Variants in ZC3H3 observed in about 807,000 individuals in gnomAD.
ZC3H3 encodes zinc finger CCCH domain-containing protein 3.
In ZC3H3, 36 loss-of-function variants were observed where a neutral mutation model predicts 77.3. The observed-to-expected ratio is 0.47, with a 90% confidence interval of 0.36 to 0.61. The LOEUF is 0.61. Ranked by LOEUF, ZC3H3 falls within the 20% of genes least tolerant of loss-of-function variation. The pLI is 0.00. For synonymous variants in ZC3H3, 626 were observed against 555.2 expected (o/e 1.13, Z -1.79); for missense variants, 1,331 against 1,312.2 (o/e 1.01, Z -0.22).
intron 1 of ZC3H3, among the ~76,000 whole-genome samples, chr8:143,540,065 G>A (rs576469127): frequency 1.3e-5 from 2 of 152,254 alleles, no homozygotes; most frequent in Admixed American, 6.5e-5. Flanking sequence ...ACGTCCAGAC[G>A]TGTTGACGCC....
At position 143,538,269 on chromosome 8, in the gene ZC3H3, C is replaced by T. The variant is rs150142925; in HGVS notation, c.1098G>A (p.Thr366=). The T allele has an allele frequency of 4.9e-4, 784 of 1,612,996 alleles. 3 individuals are homozygous for T. In the African/African-American group the frequency reaches 9.3e-3, roughly 19 times the overall value. The change falls in exon 2 of 12, where the codon ACG becomes ACA. Residue 366 remains threonine, a synonymous_variant. Coordinates refer to ENST00000262577, the MANE Select transcript of ZC3H3 (RefSeq NM_015117.3). ...TGGGGGCAGACCCTGGCTTGGAGGA[C>T]GTGGCTGGCTTCCTGGGCTTGGGCT... ...DPEPKPRKPA[T]SSKPGSAPSK... is the part of the protein sequence containing the mutation.
chr8:143,471,622 G>T (rs1820567111), intron 5 of ZC3H3, among the ~76,000 whole-genome samples: 1 of 152,228 alleles, frequency 6.6e-6, no homozygotes. Context: ...GGACCCTGGA[G>T]CTCAGGCCTT....
intron 4 of ZC3H3, among the ~76,000 whole-genome samples, chr8:143,507,521 C>T (rs1004094916): frequency 6.6e-6 from 1 of 152,276 alleles, no homozygotes; most frequent in Non-Finnish European, 1.5e-5. Context: ...TGTGTCCGTC[C>T]GTCTTCACGT....
intron 4 of ZC3H3, among the ~76,000 whole-genome samples, chr8:143,476,664 C>A (rs1224687884): frequency 6.6e-6 from 1 of 152,262 alleles, no homozygotes; most frequent in Non-Finnish European, 1.5e-5. Flanking sequence ...TACCACACCC[C>A]CAGCAAATCT....
At position 143,533,059 on chromosome 8, in the gene ZC3H3, C is replaced by A. The variant is rs1822671886; in HGVS notation, c.1561+3198G>T. On this transcript the variant is annotated intron_variant, in intron 3 of 11. Coordinates refer to ENST00000262577, the MANE Select transcript of ZC3H3 (RefSeq NM_015117.3). This position sits in a 1 kb window ranked among gnomAD's most constrained non-coding sequence, Gnocchi z 4.0. Reference sequence around the variant, plus strand: ...TCCCGACTCTGCCCACTCGGGCCTGCCAGACACCCCGGGGCCCTGGACACG... The same window carrying A: ...TCCCGACTCTGCCCACTCGGGCCTGACAGACACCCCGGGGCCCTGGACACG... 1.3e-5 allele frequency among the ~76,000 whole-genome samples: 2 copies of A among 152,134 alleles called. No homozygotes were observed. Among genetic ancestry groups the A allele is most frequent in the South Asian group, 2.1e-4 (1 of 4,822 alleles).
At chr8:143,524,501 C>A (rs1822349246) in intron 3 of ZC3H3, among the ~76,000 whole-genome samples, 1 of 152,250 alleles carries the variant, frequency 6.6e-6, no homozygotes, top group Non-Finnish European at 1.5e-5. Flanking sequence ...CAAAGAAACC[C>A]CAGCTGGGCC....
At chr8:143,492,114 G>C (rs753419814) in intron 4 of ZC3H3, among the ~76,000 whole-genome samples, 1 of 152,218 alleles carries the variant, frequency 6.6e-6, no homozygotes, top group Non-Finnish European at 1.5e-5. Flanking sequence ...AAACAAGAAG[G>C]AAAAGACAGA....
intron 3 of ZC3H3, among the ~76,000 whole-genome samples, chr8:143,534,316 C>T (rs1275913544): frequency 1.3e-5 from 2 of 151,796 alleles, no homozygotes; most frequent in Admixed American, 6.6e-5. Flanking sequence ...CAATTACGCC[C>T]TTCCCTCTAG....
chr8:143,439,373 T>C (rs1053236578), intron 11 of ZC3H3, among the ~76,000 whole-genome samples: 2 of 152,214 alleles, frequency 1.3e-5, no homozygotes, highest in Non-Finnish European at 1.5e-5. Flanking sequence ...AATAAAATGA[T>C]AGCCGTATGG....
In ZC3H3 at chr8:143,462,919, C is replaced by A. The variant is rs1004292676; in HGVS notation, c.2307+2798G>T. On this transcript the variant is annotated intron_variant, in intron 9 of 11. Coordinates refer to ENST00000262577, the MANE Select transcript of ZC3H3 (RefSeq NM_015117.3). This position sits in a 1 kb window ranked among gnomAD's most constrained non-coding sequence, Gnocchi z 4.7. ...GAGTCCTAAACACACCCAGAAGGAACCAGGGCGCCCTGCAGGAGCAGCTGT... is the reference window on the plus strand; with the variant it reads ...GAGTCCTAAACACACCCAGAAGGAAACAGGGCGCCCTGCAGGAGCAGCTGT... 2.0e-5 allele frequency among the ~76,000 whole-genome samples: 3 copies of A among 152,098 alleles called. No homozygotes were observed. The highest frequency in any genetic ancestry group is 4.4e-5 in the Non-Finnish European group (3 of 68,014).
chr8:143,498,439 C>T (rs371819228), intron 4 of ZC3H3, among the ~76,000 whole-genome samples: 5 of 152,160 alleles, frequency 3.3e-5, no homozygotes, highest in African/African-American at 4.8e-5. Flanking sequence ...GCCCGCTCAC[C>T]GGTCATCTTG....
intron 4 of ZC3H3, among the ~76,000 whole-genome samples, chr8:143,489,667 G>A (rs929925647): frequency 2.0e-5 from 3 of 152,178 alleles, no homozygotes; most frequent in Non-Finnish European, 4.4e-5. Context: ...TTCTTAATTC[G>A]GCTCCTGCTA....
chr8:143,508,375 C>T (rs901242621), intron 3 of ZC3H3, among the ~76,000 whole-genome samples: 2 of 152,196 alleles, frequency 1.3e-5, no homozygotes, highest in Non-Finnish European at 2.9e-5. Context: ...AGGGGAGGGG[C>T]GCTGGAGCAC....
At chr8:143,473,850 C>T (rs1282195426) in intron 5 of ZC3H3, among the ~76,000 whole-genome samples, 3 of 152,192 alleles carry the variant, frequency 2.0e-5, no homozygotes, top group African/African-American at 7.2e-5. Context: ...CTGGGACCTG[C>T]TGTGCCAGAG....
intron 3 of ZC3H3, among the ~76,000 whole-genome samples, chr8:143,522,445 AC>A (rs879944124): frequency 8.7e-4 from 132 of 152,144 alleles, no homozygotes; most frequent in Non-Finnish European, 1.5e-3. Context: ...TCTACCAAAA[AC>A]ATAAAAATTA....
intron 4 of ZC3H3, among the ~76,000 whole-genome samples, chr8:143,477,696 G>A (rs1820775589): frequency 6.6e-6 from 1 of 152,198 alleles, no homozygotes; most frequent in Admixed American, 6.5e-5. Context: ...AGGAGCTACG[G>A]CCACTACCTG....
chr8:143,471,423 G>A (rs911652870), intron 5 of ZC3H3, among the ~76,000 whole-genome samples: 6 of 152,232 alleles, frequency 3.9e-5, no homozygotes, highest in Non-Finnish European at 5.9e-5. Flanking sequence ...CCAGGAACAC[G>A]CAGCAGCTGG....
rs960722703 is a variant in ZC3H3, at chr8:143,471,328, G to C, written c.1904-2669C>G. ...GAGGGTGCCCCAGAAGAGGCAGTGT[G>C]GGGCGGGGGCAAGCCGACAGGGCCT... On this transcript the variant is annotated intron_variant, in intron 5 of 11. Transcript: ENST00000262577. Among the ~76,000 whole-genome samples, 3 of 152,382 alleles carry C rather than the reference G, an allele frequency of 2.0e-5. No individual in the cohort carries two copies. In the South Asian group the frequency reaches 6.2e-4, roughly 32 times the overall value.
chr8:143,473,591 C>G (rs1820640923), intron 5 of ZC3H3, among the ~76,000 whole-genome samples: 5 of 152,218 alleles, frequency 3.3e-5, no homozygotes, highest in Admixed American at 2.6e-4. Context: ...AGAGGAAAGC[C>G]AGTGCCAGGA....
Sources: allele counts gnomAD v4.1 joint callset (sites outside exome capture counted in the v4.1 genomes callset), GRCh38; gene constraint gnomAD v4.1.1; non-coding constraint Gnocchi (gnomAD v3.1); transcripts MANE v1.5; gene names NCBI Gene and HGNC (gene_info 2026-07-23, HGNC 2026-07-21).